The following EIF4G3 variants were observed in gnomAD, a reference collection of about 807,000 sequenced individuals.
EIF4G3 encodes the protein eukaryotic translation initiation factor 4 gamma 3.
A neutral mutation model predicts 186.4 loss-of-function variants in EIF4G3; 34 were observed. The observed-to-expected ratio is 0.18, with a 90% confidence interval of 0.14 to 0.24. The LOEUF is 0.24. EIF4G3 is among the 10% of genes least tolerant of loss of function. The probability of loss-of-function intolerance (pLI) is 1.00; values close to 1 mark genes in which losing one functional copy is unlikely to be tolerated. For synonymous variants in EIF4G3, 673 were observed against 679.5 expected, an observed-to-expected ratio of 0.99 and a Z score of 0.15; for missense variants, 1,536 against 1,948.5, an observed-to-expected ratio of 0.79 and a Z score of 3.99.
chr1:20,957,640 TA>T (rs143013978), intron 12 of EIF4G3, among the ~76,000 whole-genome samples: 2,986 of 148,620 alleles, frequency 0.02, 26 homozygotes, highest in Non-Finnish European at 0.024. Context: ...TTTGAAAAAA[TA>T]GATAGACTAT....
intron 2 of EIF4G3, among the ~76,000 whole-genome samples, chr1:21,094,980 TTTTAC>T (rs1342767566): frequency 6.6e-6 from 1 of 152,042 alleles, no homozygotes; most frequent in Non-Finnish European, 1.5e-5. Flanking sequence ...TCTCCTTACC[TTTTAC>T]CATTGAGATC....
chr1:20,946,582 G>C (rs937483124), intron 13 of EIF4G3, among the ~76,000 whole-genome samples: 1 of 152,172 alleles, frequency 6.6e-6, no homozygotes. Flanking sequence ...AATAATGGCA[G>C]CTAACATTTG....
chr1:21,109,318 C>T (rs913718120), intron 2 of EIF4G3, among the ~76,000 whole-genome samples: 1 of 152,080 alleles, frequency 6.6e-6, no homozygotes, highest in African/African-American at 2.4e-5. Flanking sequence ...CACAATGGAT[C>T]TGAGATAGCT....
At position 20,904,390 on chromosome 1, in the gene EIF4G3, G is replaced by A. The variant is rs992159128; in HGVS notation, c.1752+493C>T. The stretch of plus-strand genomic sequence containing the variant: ...AGATAATGTTTCACTGTGTTGCCCA[G>A]GCTGGAGTGCAGTGGCATGATCACA... On this transcript the variant is annotated intron_variant, in intron 15 of 36. Transcript: ENST00000602326. Among the ~76,000 whole-genome samples the A allele has an allele frequency of 3.9e-5, 6 of 152,290 alleles. No homozygotes were observed. The East Asian group carries it at 1.2e-3, about 29-fold the overall frequency.
At chr1:20,960,030 C>A (rs1286595809) in intron 12 of EIF4G3, among the ~76,000 whole-genome samples, 1 of 151,856 alleles carries the variant, frequency 6.6e-6, no homozygotes, top group Non-Finnish European at 1.5e-5. Context: ...TCCAGCAACC[C>A]CACTACTGGG....
chr1:20,894,868 G>A (rs142907930), intron 17 of EIF4G3, among the ~76,000 whole-genome samples: 185 of 152,248 alleles, frequency 1.2e-3, no homozygotes, highest in African/African-American at 4.3e-3. Flanking sequence ...ATGCCTATTT[G>A]CACAAGATTG....
chr1:20,953,198 G>A (rs2096285333), intron 12 of EIF4G3, among the ~76,000 whole-genome samples: 2 of 152,198 alleles, frequency 1.3e-5, no homozygotes, highest in Non-Finnish European at 2.9e-5. Flanking sequence ...GGAAGTCAGA[G>A]TTAAAAGGTC....
At chr1:20,881,876 A>G (rs1476958496) in intron 19 of EIF4G3, among the ~76,000 whole-genome samples, 2 of 152,048 alleles carry the variant, frequency 1.3e-5, no homozygotes, top group Non-Finnish European at 2.9e-5. Flanking sequence ...GAAAGAATGA[A>G]ATGAGGCCGG....
intron 3 of EIF4G3, among the ~76,000 whole-genome samples, chr1:21,069,253 T>C (rs1192158358): frequency 2.6e-5 from 4 of 152,228 alleles, no homozygotes; most frequent in Non-Finnish European, 4.4e-5. Flanking sequence ...CATCTTTCTC[T>C]GTTTAACCAT....
chr1:20,956,431 TGAGA>T (rs2096419757), intron 12 of EIF4G3, among the ~76,000 whole-genome samples: 2 of 151,688 alleles, frequency 1.3e-5, no homozygotes, highest in South Asian at 4.2e-4. Flanking sequence ...GAGAGATGAG[TGAGA>T]AAGTTCCTGT....
chr1:20,901,812 A>G (rs2090377542), intron 15 of EIF4G3, among the ~76,000 whole-genome samples: 1 of 152,202 alleles, frequency 6.6e-6, no homozygotes, highest in Non-Finnish European at 1.5e-5. Flanking sequence ...GTTTATGCAG[A>G]AACAGATTTA....
At chr1:20,938,475 GT>G (rs1306903434) in intron 14 of EIF4G3, among the ~76,000 whole-genome samples, 1 of 152,182 alleles carries the variant, frequency 6.6e-6, no homozygotes, top group Non-Finnish European at 1.5e-5. Flanking sequence ...GCTTTGAGGT[GT>G]TTCATCCTCA....
At chr1:20,938,524 C>A (rs1470098279) in intron 14 of EIF4G3, among the ~76,000 whole-genome samples, 1 of 152,106 alleles carries the variant, frequency 6.6e-6, no homozygotes, top group Non-Finnish European at 1.5e-5. Context: ...AAAGTCACCA[C>A]CAAAAGACTC....
intron 3 of EIF4G3, among the ~76,000 whole-genome samples, chr1:21,052,599 CCT>C (rs1266910978): frequency 1.3e-5 from 2 of 152,100 alleles, no homozygotes; most frequent in Admixed American, 6.5e-5. Context: ...TCTCCCTCTC[CCT>C]CTCTTTCCAC....
intron 30 of EIF4G3, among the ~76,000 whole-genome samples, chr1:20,838,456 T>C (rs12759768): frequency 0.028 from 4,251 of 152,254 alleles, 88 homozygotes; most frequent in Middle Eastern, 0.051. Flanking sequence ...TAGTTTCAAG[T>C]CTGCTGGGAG....
intron 2 of EIF4G3, among the ~76,000 whole-genome samples, chr1:21,126,676 A>G (rs2097052382): frequency 6.6e-6 from 1 of 152,160 alleles, no homozygotes; most frequent in Non-Finnish European, 1.5e-5. Flanking sequence ...AAAACTAACA[A>G]TTATAAAAAA....
chr1:21,068,438 C>T (rs972366722), intron 3 of EIF4G3, among the ~76,000 whole-genome samples: 1 of 144,858 alleles, frequency 6.9e-6, no homozygotes, highest in Admixed American at 7.1e-5. Flanking sequence ...TCAAAACAGA[C>T]CTGTATTCAA....
chr1:20,855,766 G>A lies in EIF4G3; in HGVS notation c.3340-695C>T, dbSNP rs187577898. Among the ~76,000 whole-genome samples the A allele has an allele frequency of 1.9e-3, 291 of 152,270 alleles. 1 individual carries two copies. Among genetic ancestry groups the A allele is most frequent in the African/African-American group, 6.4e-3 (268 of 41,566 alleles). On this transcript the variant is annotated intron_variant, in intron 25 of 36. Transcript: ENST00000602326. The stretch of plus-strand genomic sequence containing the variant: ...TATATGTTGCTATGCTATGTAATAT[G>A]CTTTCACACAAACCACTCCCAATTA...
At chr1:20,986,763 A>G (rs1388760541) in intron 7 of EIF4G3, among the ~76,000 whole-genome samples, 4 of 149,368 alleles carry the variant, frequency 2.7e-5, no homozygotes, top group African/African-American at 4.9e-5. Flanking sequence ...AAAAAAAAAA[A>G]AAAAAAAAGA....
Sources: allele counts gnomAD v4.1 joint callset (sites outside exome capture counted in the v4.1 genomes callset), GRCh38; gene constraint gnomAD v4.1.1; transcripts MANE v1.5; gene names NCBI Gene and HGNC (gene_info 2026-07-23, HGNC 2026-07-21).